The following ITGB5 variants were observed in gnomAD, a reference collection of about 807,000 sequenced individuals.
ITGB5 encodes integrin beta-5.
A neutral mutation model predicts 84.8 loss-of-function variants in ITGB5; 38 were observed. The observed-to-expected ratio is 0.45, with a 90% confidence interval of 0.35 to 0.59. ITGB5 has a LOEUF of 0.59. ITGB5 is among the 20% of genes least tolerant of loss of function. ITGB5 has a pLI of 0.01. For synonymous variants in ITGB5, 393 were observed against 414.4 expected (o/e 0.95, Z 0.63); for missense variants, 905 against 1,034.5 (o/e 0.87, Z 1.72).
At chr3:124,856,252 C>G (rs1056959507) in intron 3 of ITGB5, among the ~76,000 whole-genome samples, 13 of 152,190 alleles carry the variant, frequency 8.5e-5, no homozygotes. Flanking sequence ...AACCAGACAA[C>G]CATCTCTGCT....
At chr3:124,831,009 A>AAC (rs2064852244) in intron 5 of ITGB5, among the ~76,000 whole-genome samples, 3 of 151,974 alleles carry the variant, frequency 2.0e-5, no homozygotes, top group Admixed American at 6.5e-5. Context: ...ACAACAACAA[A>AAC]AAAACAAGAA....
At chr3:124,855,119 C>A (rs1393876033) in intron 3 of ITGB5, among the ~76,000 whole-genome samples, 1 of 152,132 alleles carries the variant, frequency 6.6e-6, no homozygotes, top group Non-Finnish European at 1.5e-5. Flanking sequence ...TCGAGACCAG[C>A]TTGGCCAACA....
intron 3 of ITGB5, among the ~76,000 whole-genome samples, chr3:124,856,155 A>G (rs1177157840): frequency 1.3e-5 from 2 of 152,050 alleles, no homozygotes; most frequent in Admixed American, 1.3e-4. Flanking sequence ...CAAACCACTG[A>G]GATTACAGGC....
intron 2 of ITGB5, among the ~76,000 whole-genome samples, chr3:124,865,018 CA>C (rs1329424124): frequency 6.6e-6 from 1 of 152,194 alleles, no homozygotes; most frequent in Non-Finnish European, 1.5e-5. Flanking sequence ...GTGCTCTTTG[CA>C]GCATGTGCCG....
intron 10 of ITGB5, among the ~76,000 whole-genome samples, chr3:124,785,584 CAAAAAA>C: frequency 1.1e-5 from 1 of 95,112 alleles, no homozygotes; most frequent in South Asian, 3.9e-4. Flanking sequence ...GACTCCATCT[CAAAAAA>C]AAAAAAAAAA....
At chr3:124,794,868 G>T (rs188490645) in intron 10 of ITGB5, among the ~76,000 whole-genome samples, 2 of 151,914 alleles carry the variant, frequency 1.3e-5, no homozygotes, top group Admixed American at 1.3e-4. Context: ...AGAAGAAGAA[G>T]AAAATAAAAA....
intron 1 of ITGB5, among the ~76,000 whole-genome samples, chr3:124,882,588 A>G (rs1385222752): frequency 6.6e-6 from 1 of 152,226 alleles, no homozygotes; most frequent in Non-Finnish European, 1.5e-5. Context: ...GTGGTGAAGG[A>G]AAGTCAGAGA....
At chr3:124,871,511 C>T (rs1170205467) in intron 2 of ITGB5, among the ~76,000 whole-genome samples, 5 of 152,032 alleles carry the variant, frequency 3.3e-5, no homozygotes, top group African/African-American at 7.2e-5. Context: ...TTCTTAAAAA[C>T]GATAAAACAA....
At chr3:124,768,919 G>T in intron 12 of ITGB5, 94 bp downstream of exon 12, 1 of 887,870 alleles carries the variant, frequency 1.1e-6, no homozygotes, top group Non-Finnish European at 1.8e-6. Context: ...TGCCCAGGAA[G>T]CCTGGGCAGT....
intron 5 of ITGB5, among the ~76,000 whole-genome samples, chr3:124,821,873 C>T (rs2064709537): frequency 7.2e-6 from 1 of 138,680 alleles, no homozygotes; most frequent in South Asian, 2.4e-4. Flanking sequence ...CCCCCAACAA[C>T]ATCCCCTGGT....
At position 124,836,185 on chromosome 3, in the gene ITGB5, G is replaced by A. The variant is rs145810229; in HGVS notation, c.780+5198C>T. On this transcript the variant is annotated intron_variant, in intron 5 of 14. Coordinates refer to ENST00000296181, the MANE Select transcript of ITGB5 (RefSeq NM_002213.5). Reference sequence around the variant, plus strand: ...TAAGGAAAACATGACTCTAAATTCAGTGCCTTCCTAGGTTTGGAATGTATT... The same window carrying A: ...TAAGGAAAACATGACTCTAAATTCAATGCCTTCCTAGGTTTGGAATGTATT... 5.4e-3 allele frequency among the ~76,000 whole-genome samples: 802 copies of A among 149,088 alleles called. 2 individuals are homozygous for A. The highest frequency in any genetic ancestry group is 0.019 in the African/African-American group (781 of 40,084).
chr3:124,775,079 G>A (rs1424330854), intron 10 of ITGB5, among the ~76,000 whole-genome samples: 1 of 152,226 alleles, frequency 6.6e-6, no homozygotes, highest in African/African-American at 2.4e-5. Context: ...CCTGCAGGGG[G>A]ATGCCCTGGC....
chr3:124,846,920 G>T (rs770522382), intron 4 of ITGB5, among the ~76,000 whole-genome samples: 2 of 152,132 alleles, frequency 1.3e-5, no homozygotes, highest in Non-Finnish European at 2.9e-5. Context: ...GGGCAACAGA[G>T]CAAGACTCCG....
intron 1 of ITGB5, among the ~76,000 whole-genome samples, chr3:124,882,454 G>A (rs1044146001): frequency 6.6e-6 from 1 of 152,166 alleles, no homozygotes; most frequent in Non-Finnish European, 1.5e-5. Context: ...GGAGGAAGCC[G>A]GTCATGCAGA....
intron 10 of ITGB5, among the ~76,000 whole-genome samples, chr3:124,777,291 G>A (rs16835985): frequency 0.054 from 8,200 of 152,274 alleles, 501 homozygotes; most frequent in African/African-American, 0.14. Context: ...GTGGTGTGTG[G>A]AGCCCAGCCC....
rs201353553 is a variant in ITGB5 at position 124,766,304 on chromosome 3, C to T, written c.2059G>A (p.Ala687Thr). ...QEAVLCFYKT[A>T]KDCVMMFTYV... is the part of the protein sequence containing the mutation. ...GTGAACATCATGACGCAGTCCTTGG[C>T]GGTTTTGTAGAAACATAGCACAGCC... The change falls in exon 13 of 15, where the codon GCC becomes ACC. Residue 687 changes from alanine (A) to threonine (T), a missense_variant. Physicochemically the swap from Ala to Thr is moderately conservative, Grantham distance 58. Transcript: ENST00000296181. 6.2e-5 allele frequency: 100 copies of T among 1,613,938 alleles called. No homozygotes were observed. Among genetic ancestry groups the T allele is most frequent in the African/African-American group, 4.9e-4 (37 of 74,906 alleles).
chr3:124,847,740 A>C (rs1240978317), intron 4 of ITGB5, among the ~76,000 whole-genome samples: 2 of 152,158 alleles, frequency 1.3e-5, no homozygotes, highest in African/African-American at 2.4e-5. Flanking sequence ...GCCATTATAC[A>C]CTTTGTTATT....
At chr3:124,829,983 CTG>C (rs2064836619) in intron 5 of ITGB5, among the ~76,000 whole-genome samples, 1 of 152,178 alleles carries the variant, frequency 6.6e-6, no homozygotes, top group Non-Finnish European at 1.5e-5. Context: ...TTCCCAGTCA[CTG>C]AGAAAATTAA....
At chr3:124,767,049 C>A (rs1003683828) in intron 12 of ITGB5, among the ~76,000 whole-genome samples, 7 of 152,238 alleles carry the variant, frequency 4.6e-5, no homozygotes, top group Non-Finnish European at 8.8e-5. Flanking sequence ...GTGTCACAGT[C>A]CCCTGTCCAG....
Sources: gnomAD v4.1 joint callset for allele counts (sites outside exome capture counted in the v4.1 genomes callset) on GRCh38, gnomAD v4.1.1 for gene constraint, MANE v1.5 for transcripts, NCBI Gene and HGNC (gene_info 2026-07-23, HGNC 2026-07-21) for gene names.